The following JAKMIP3 variants were observed in gnomAD, a reference collection of about 807,000 sequenced individuals.
JAKMIP3 encodes the protein janus kinase and microtubule-interacting protein 3.
JAKMIP3 carries 58 observed loss-of-function variants against 118.5 expected under a neutral mutation model. The ratio of observed to expected loss-of-function variants is 0.49; its 90% CI spans 0.40 to 0.61. JAKMIP3 has a LOEUF of 0.61. JAKMIP3 is among the 20% of genes least tolerant of loss of function. JAKMIP3 has a pLI of 0.00. For synonymous variants in JAKMIP3, 486 were observed against 451.2 expected, an observed-to-expected ratio of 1.08 and a Z score of -0.98; for missense variants, 950 against 1,109.0, an observed-to-expected ratio of 0.86 and a Z score of 2.04.
intron 1 of JAKMIP3, among the ~76,000 whole-genome samples, chr10:132,037,249 T>C (rs2037539461): frequency 6.6e-6 from 1 of 152,130 alleles, no homozygotes; most frequent in Non-Finnish European, 1.5e-5. Context: ...CTAGAAAATA[T>C]TCTCTGCGTG....
At chr10:132,042,333 T>C (rs553191839) in intron 1 of JAKMIP3, among the ~76,000 whole-genome samples, 3 of 151,982 alleles carry the variant, frequency 2.0e-5, no homozygotes, top group African/African-American at 7.3e-5. Context: ...CACTTCAACC[T>C]CCTGATTAGC....
chr10:132,140,818 C>T (rs1417997561), intron 10 of JAKMIP3, among the ~76,000 whole-genome samples: 2 of 152,134 alleles, frequency 1.3e-5, no homozygotes, highest in Non-Finnish European at 2.9e-5. Flanking sequence ...GGGCTGAGGC[C>T]CGCTCTTGCT....
intron 19 of JAKMIP3, among the ~76,000 whole-genome samples, chr10:132,160,871 G>T (rs1389814010): frequency 6.1e-5 from 1 of 16,334 alleles, no homozygotes; most frequent in African/African-American, 5.0e-4. Context: ...TACTGGGGGG[G>T]GCCTCTCCCT....
At chr10:132,076,635 C>A (rs2134098406) in intron 1 of JAKMIP3, among the ~76,000 whole-genome samples, 1 of 150,950 alleles carries the variant, frequency 6.6e-6, no homozygotes, top group Admixed American at 6.6e-5. Flanking sequence ...CTGGGTCTGA[C>A]TGATTGAGGG....
intron 5 of JAKMIP3, among the ~76,000 whole-genome samples, chr10:132,135,634 A>G (rs902526070): frequency 1.3e-5 from 2 of 152,282 alleles, no homozygotes; most frequent in East Asian, 1.9e-4. Flanking sequence ...CCATCTGTCA[A>G]TGGGACGGGA....
chr10:132,067,047 G>A (rs887271891), intron 1 of JAKMIP3, among the ~76,000 whole-genome samples: 5 of 152,130 alleles, frequency 3.3e-5, no homozygotes, highest in African/African-American at 1.2e-4. Flanking sequence ...TCGGGCCTTT[G>A]AGCAGGTCCG....
intron 19 of JAKMIP3, among the ~76,000 whole-genome samples, chr10:132,159,509 T>TG (rs1382185806): frequency 2.3e-5 from 3 of 128,302 alleles, no homozygotes; most frequent in South Asian, 2.8e-4. Context: ...TGTGTGATGC[T>TG]GGGGGTGTGT....
rs964882455 is a variant in JAKMIP3, at chr10:132,168,327, G to A, written c.*397G>A. 1 of 1,289,486 alleles carries A rather than the reference G, an allele frequency of 7.8e-7. No homozygotes were observed. The highest frequency in any genetic ancestry group is 1.0e-6 in the Non-Finnish European group (1 of 988,812). The allele number at this position is 1,289,486 out of a possible 1,614,324, so 79.9% of individuals were successfully genotyped here. Reference sequence around the variant, plus strand: ...AGCCGCGGGTCCCCTCCTCTCTCTTGGTTCTCACAGTAGCTGCCACTGGTG... The same window carrying A: ...AGCCGCGGGTCCCCTCCTCTCTCTTAGTTCTCACAGTAGCTGCCACTGGTG... On this transcript the variant is annotated 3_prime_UTR_variant, in exon 23 of 24. Coordinates refer to ENST00000684848, the MANE Select transcript of JAKMIP3 (RefSeq NM_001323087.2).
rs770719959 is a variant in JAKMIP3 at position 132,153,031 on chromosome 10, C to T, written c.2073+8C>T. 5.6e-6 allele frequency: 9 copies of T among 1,603,538 alleles called. No individual in the cohort carries two copies. The highest frequency in any genetic ancestry group is 4.5e-5 in the South Asian group (4 of 89,046). ...CTGACCTTGGCCGAAAAGGTAACAG[C>T]AGCTGTGTGGACAGTCGGGAGAGGG... is the stretch of plus-strand genomic sequence containing the variant. On this transcript the variant is annotated splice_region_variant and intron_variant, in intron 17 of 23. Transcript: ENST00000684848.
In JAKMIP3 at chr10:132,145,573, T is replaced by G; in HGVS notation, c.1742T>G (p.Val581Gly). ...QALYRRNQEL[V>G]EKIKQMETEE... ...CTGTACCGGAGAAATCAAGAGCTTGTGGAAAAGGTGAGCCCCGAACCCCTG... is the reference window on the plus strand; with the variant it reads ...CTGTACCGGAGAAATCAAGAGCTTGGGGAAAAGGTGAGCCCCGAACCCCTG... Residue 581 changes from valine to glycine, a missense_variant, in exon 13 of 24, where the codon GTG (valine) becomes GGG (glycine). Transcript: ENST00000684848. 6.4e-7 allele frequency: 1 copy of G among 1,562,514 alleles called. No homozygotes were observed. The highest frequency in any genetic ancestry group is 2.4e-5 in the East Asian group (1 of 41,802).
intron 2 of JAKMIP3, among the ~76,000 whole-genome samples, chr10:132,113,468 A>G (rs1445475813): frequency 6.6e-6 from 1 of 152,270 alleles, no homozygotes; most frequent in East Asian, 1.9e-4. Flanking sequence ...GATAAGGAAC[A>G]AAGCGGCCAC....
chr10:132,100,599 G>A (rs1201369611), intron 1 of JAKMIP3, among the ~76,000 whole-genome samples: 1 of 148,134 alleles, frequency 6.8e-6, no homozygotes, highest in Non-Finnish European at 1.5e-5. Flanking sequence ...CAGGGCCGGA[G>A]CGCAGGCCAC....
In JAKMIP3 at chr10:132,117,343, G is replaced by C. The variant is rs761617138; in HGVS notation, c.402G>C (p.Val134=). 3 of 1,614,002 alleles carry C rather than the reference G, an allele frequency of 1.9e-6. No homozygotes were observed. The highest frequency in any genetic ancestry group is 8.5e-7 in the Non-Finnish European group (1 of 1,179,898). Residue 134 remains valine (V), a synonymous_variant, in exon 3 of 24, where the codon GTG becomes GTC. Coordinates refer to ENST00000684848, the MANE Select transcript of JAKMIP3 (RefSeq NM_001323087.2). The surrounding 1 kb of genome is among the most constrained non-coding windows in gnomAD (Gnocchi z 8.6). ...RDGGPEKVKT[V]LLSEAKEEAK... ...GCGGCCCCGAAAAGGTCAAGACCGT[G>C]CTGCTGTCCGAGGCCAAGGAGGAGG...
At chr10:132,042,539 G>C (rs1277386290) in intron 1 of JAKMIP3, among the ~76,000 whole-genome samples, 1 of 152,106 alleles carries the variant, frequency 6.6e-6, no homozygotes, top group Non-Finnish European at 1.5e-5. Flanking sequence ...TCCTCTTCAT[G>C]GTGCGGCCAC....
intron 3 of JAKMIP3, among the ~76,000 whole-genome samples, chr10:132,130,628 C>T (rs1301172378): frequency 6.6e-6 from 1 of 152,204 alleles, no homozygotes; most frequent in African/African-American, 2.4e-5. Flanking sequence ...GGTACTCTGC[C>T]AACACCTTAG....
intron 3 of JAKMIP3, among the ~76,000 whole-genome samples, chr10:132,126,304 T>G (rs1324048821): frequency 7.7e-6 from 1 of 130,250 alleles, no homozygotes; most frequent in Non-Finnish European, 1.6e-5. Context: ...TGGCAATACT[T>G]TTTTTTTTTT....
chr10:132,037,128 GC>G (rs1366088130), intron 1 of JAKMIP3, among the ~76,000 whole-genome samples: 1 of 152,254 alleles, frequency 6.6e-6, no homozygotes, highest in Non-Finnish European at 1.5e-5. Flanking sequence ...AAATTTCACA[GC>G]CCCCATTTCA....
At chr10:132,070,354 G>A (rs1026283535) in intron 1 of JAKMIP3, among the ~76,000 whole-genome samples, 23 of 152,196 alleles carry the variant, frequency 1.5e-4, no homozygotes, top group Admixed American at 4.6e-4. Flanking sequence ...CGCCATGTTG[G>A]TCAGGCTGGT....
chr10:132,121,609 G>A (rs1175928878), intron 3 of JAKMIP3, among the ~76,000 whole-genome samples: 1 of 152,200 alleles, frequency 6.6e-6, no homozygotes, highest in Non-Finnish European at 1.5e-5. Flanking sequence ...GCTGTCCCAT[G>A]ATGGCCTCCA....
Sources: allele counts gnomAD v4.1 joint callset (sites outside exome capture counted in the v4.1 genomes callset), GRCh38; gene constraint gnomAD v4.1.1; non-coding constraint Gnocchi (gnomAD v3.1); transcripts MANE v1.5; gene names NCBI Gene and HGNC (gene_info 2026-07-23, HGNC 2026-07-21).